Variants in ZNF805 observed in about 807,000 individuals in gnomAD.
The protein encoded by ZNF805 is zinc finger protein 805, also known as CTC-444N24.8.
Under a neutral mutation model 13.6 loss-of-function variants are expected in ZNF805, and 7 were observed. The observed-to-expected ratio is 0.51, with a 90% confidence interval of 0.29 to 0.97. The LOEUF is 0.97. ZNF805 is among the 50% of genes least tolerant of loss of function. The pLI is 0.08. For synonymous variants in ZNF805, 293 were observed against 279.8 expected (o/e 1.05, Z -0.47); for missense variants, 604 against 771.0 (o/e 0.78, Z 2.57).
rs758439156 is a variant in ZNF805 at position 57,253,707 on chromosome 19, C to T, written c.888C>T (p.Phe296=). The part of the protein sequence containing the change: ...PYKCSECGKA[F]THRSTFVLHN... ...AGTGCAGTGAATGTGGAAAGGCCTTCACCCACCGCTCCACTTTTGTCTTGC... is the reference window on the plus strand; with the variant it reads ...AGTGCAGTGAATGTGGAAAGGCCTTTACCCACCGCTCCACTTTTGTCTTGC... The change falls in exon 4 of 4, where the codon TTC becomes TTT. Residue 296 remains phenylalanine, a synonymous_variant. Transcript: ENST00000414468. The surrounding 1 kb of genome is among the most constrained non-coding windows in gnomAD (Gnocchi z 4.4). 10 of 1,613,846 alleles carry T rather than the reference C, an allele frequency of 6.2e-6. No homozygotes were observed. The highest frequency in any genetic ancestry group is 3.3e-4 in the Middle Eastern group (2 of 6,082).
rs2087572960 is a variant in ZNF805, at chr19:57,240,687, G to C, written c.-205G>C. The C allele has an allele frequency of 1.9e-6, 1 of 525,950 alleles. No homozygotes were observed. Among genetic ancestry groups the C allele is most frequent in the African/African-American group, 2.0e-5 (1 of 50,506 alleles). The allele number at this position is 525,950 out of a possible 1,614,324, so 32.6% of individuals were successfully genotyped here. A position where few individuals can be genotyped will look rare whatever the true frequency, so the allele number is the denominator to read the frequency against. Reference sequence around the variant, plus strand: ...GCGGTGTTCCGTGGCCGCCTCCCTGGCGGCGCTGGGGAAATGAGCAGGTAG... The same window carrying C: ...GCGGTGTTCCGTGGCCGCCTCCCTGCCGGCGCTGGGGAAATGAGCAGGTAG... On this transcript the variant is annotated 5_prime_UTR_variant, in exon 1 of 4. Transcript: ENST00000414468.
chr19:57,240,979 G>A, intron 1 of ZNF805, 58 bp downstream of exon 1: 2 of 1,538,560 alleles, frequency 1.3e-6, no homozygotes, highest in Admixed American at 4.0e-5. Flanking sequence ...AAGCCTCCTG[G>A]GCAGGCCGGA....
At chr19:57,246,738 T>C (rs1476252090) in intron 2 of ZNF805, among the ~76,000 whole-genome samples, 2 of 146,096 alleles carry the variant, frequency 1.4e-5, no homozygotes, top group East Asian at 4.0e-4. Context: ...ATCGCGCTAC[T>C]GCACTCCAGC....
At chr19:57,241,569 C>G (rs1330034399) in intron 1 of ZNF805, among the ~76,000 whole-genome samples, 1 of 151,532 alleles carries the variant, frequency 6.6e-6, no homozygotes, top group Non-Finnish European at 1.5e-5. Context: ...CTGCAAGTCC[C>G]TACCCGGTCC....
intron 1 of ZNF805, among the ~76,000 whole-genome samples, chr19:57,241,715 T>C (rs536282724): frequency 3.3e-5 from 5 of 151,586 alleles, no homozygotes; most frequent in South Asian, 2.1e-4. Flanking sequence ...TTCAGACATA[T>C]CAATCTGATC....
Position 57,255,390 on chromosome 19 carries a change from T to C in ZNF805, c.*687T>C, listed in dbSNP as rs1445821395. ...ACTTTAGGATTGGTTTTTCTGTTTT[T>C]CAAATATTCTTGCTTGGATTTTGAT... On this transcript the variant is annotated 3_prime_UTR_variant, in exon 4 of 4. Transcript: ENST00000414468. Among the ~76,000 whole-genome samples the C allele has an allele frequency of 2.0e-5, 3 of 152,186 alleles. No individual in the cohort carries two copies. Among genetic ancestry groups the C allele is most frequent in the African/African-American group, 7.2e-5 (3 of 41,466 alleles).
At chr19:57,245,548 G>A (rs1362310667) in intron 2 of ZNF805, among the ~76,000 whole-genome samples, 2 of 151,352 alleles carry the variant, frequency 1.3e-5, no homozygotes, top group Non-Finnish European at 2.9e-5. Context: ...GGGAGGCCGA[G>A]ATGGGCGGAT....
Position 57,257,914 on chromosome 19 carries a change from G to T in ZNF805, c.*3211G>T, listed in dbSNP as rs2087698382. On this transcript the variant is annotated 3_prime_UTR_variant, in exon 4 of 4. Coordinates refer to ENST00000414468, the MANE Select transcript of ZNF805 (RefSeq NM_001023563.4). ...GTAGAGATGGAGTTTCACCATGTTG[G>T]CCAGGCTGGTCTCGAACTCCTGACC... Among the ~76,000 whole-genome samples, 1 of 151,206 alleles carries T rather than the reference G, an allele frequency of 6.6e-6. No homozygotes were observed. Among genetic ancestry groups the T allele is most frequent in the Non-Finnish European group, 1.5e-5 (1 of 67,880 alleles).
chr19:57,250,637 T>C (rs1009756421), intron 3 of ZNF805, among the ~76,000 whole-genome samples: 1 of 152,242 alleles, frequency 6.6e-6, no homozygotes, highest in South Asian at 2.1e-4. Context: ...GTCAGCTCTT[T>C]GTCCTGCGTG....
chr19:57,259,563 G>T lies in ZNF805; in HGVS notation c.*4860G>T, dbSNP rs1037784631. Among the ~76,000 whole-genome samples, 1 of 152,152 alleles carries T rather than the reference G, an allele frequency of 6.6e-6. No individual in the cohort carries two copies. Among genetic ancestry groups the T allele is most frequent in the African/African-American group, 2.4e-5 (1 of 41,418 alleles). ...GCTCTGTTGCCCAGGCTGGAGTGCA[G>T]TGGCGCGATCTCTGCTCACTGCAAG... On this transcript the variant is annotated 3_prime_UTR_variant, in exon 4 of 4. Coordinates refer to ENST00000414468, the MANE Select transcript of ZNF805 (RefSeq NM_001023563.4).
In ZNF805 at chr19:57,254,530, G is replaced by A; in HGVS notation, c.1711G>A (p.Asp571Asn). The stretch of plus-strand genomic sequence containing the variant: ...TGGGAGAAATCCTATCAGTGTAACA[G>A]ATGTGGGAAGACCTTTTACAAGTGG... ...HTGRNPISVT[D>N]VGRPFTSGQT... Residue 571 changes from aspartate (D) to asparagine (N), a missense_variant, in exon 4 of 4, where the codon GAT becomes AAT. Transcript: ENST00000414468. The A allele has an allele frequency of 6.2e-7, 1 of 1,614,196 alleles. No individual in the cohort carries two copies. The highest frequency in any genetic ancestry group is 8.5e-7 in the Non-Finnish European group (1 of 1,180,032).
chr19:57,259,040 C>T lies in ZNF805; in HGVS notation c.*4337C>T, dbSNP rs8105970. 0.025 allele frequency among the ~76,000 whole-genome samples: 3,795 copies of T among 152,178 alleles called. 149 individuals are homozygous for T. Among genetic ancestry groups the T allele is most frequent in the African/African-American group, 0.086 (3,575 of 41,500 alleles). On this transcript the variant is annotated 3_prime_UTR_variant, in exon 4 of 4. Coordinates refer to ENST00000414468, the MANE Select transcript of ZNF805 (RefSeq NM_001023563.4). ...TCTGTTGCCATTTGAACCATTGTTC[C>T]CTAGTTCATAATGTGCCATTTTTAT...
intron 3 of ZNF805, among the ~76,000 whole-genome samples, chr19:57,249,604 G>A (rs1397849335): frequency 6.6e-6 from 1 of 151,988 alleles, no homozygotes; most frequent in African/African-American, 2.4e-5. Context: ...TGAACTCTGG[G>A]GAATAGGGCC....
At chr19:57,241,022 TTTTG>T (rs149116200) in intron 1 of ZNF805, 101 bp downstream of exon 1, 26,575 of 1,338,512 alleles carry the variant, frequency 0.02, 882 homozygotes, top group African/African-American at 0.14. Flanking sequence ...CTCTTTGTAG[TTTTG>T]TTTGTTTACG....
intron 2 of ZNF805, among the ~76,000 whole-genome samples, chr19:57,245,624 A>AG (rs2087610960): frequency 6.7e-6 from 1 of 149,460 alleles, no homozygotes; most frequent in South Asian, 2.2e-4. Flanking sequence ...CTAAAAATAC[A>AG]AAAAATTAGC....
rs2087689591 is a variant in ZNF805 at position 57,256,741 on chromosome 19, C to G, written c.*2038C>G. The stretch of plus-strand genomic sequence containing the variant: ...CATATGTCAATTTCATTGATCATTT[C>G]AAAGAAATAGCACTTTATATCACTG... On this transcript the variant is annotated 3_prime_UTR_variant, in exon 4 of 4. Coordinates refer to ENST00000414468, the MANE Select transcript of ZNF805 (RefSeq NM_001023563.4). Among the ~76,000 whole-genome samples, 1 of 152,018 alleles carries G rather than the reference C, an allele frequency of 6.6e-6. No individual in the cohort carries two copies. Among genetic ancestry groups the G allele is most frequent in the South Asian group, 2.1e-4 (1 of 4,832 alleles).
rs1373003601 is a variant in ZNF805, at chr19:57,260,077, C to G, written c.*5374C>G. Among the ~76,000 whole-genome samples, 1 of 152,178 alleles carries G rather than the reference C, an allele frequency of 6.6e-6. No individual in the cohort carries two copies. The highest frequency in any genetic ancestry group is 1.5e-5 in the Non-Finnish European group (1 of 68,038). ...CCACGGGAAGGTTGTATGTAAAATC[C>G]TCCAGCTCTGTAAGCCTTGTTATAT... On this transcript the variant is annotated 3_prime_UTR_variant, in exon 4 of 4. Coordinates refer to ENST00000414468, the MANE Select transcript of ZNF805 (RefSeq NM_001023563.4).
rs780918037 is a variant in ZNF805, at chr19:57,253,955, C to T, written c.1136C>T (p.Ala379Val). 9.3e-6 allele frequency: 15 copies of T among 1,613,934 alleles called. No homozygotes were observed. Among genetic ancestry groups the T allele is most frequent in the African/African-American group, 2.7e-5 (2 of 74,878 alleles). Residue 379 changes from alanine (A) to valine (V), a missense_variant, in exon 4 of 4, where the codon GCC becomes GTC. Transcript: ENST00000414468. The surrounding 1 kb of genome is among the most constrained non-coding windows in gnomAD (Gnocchi z 4.4). ...TATGAGTGCAGTGAATGTGGGAAGG[C>T]CTTCTGTGAGAGCGCAGCGCTGATT... ...KPYECSECGK[A>V]FCESAALIHH...
At chr19:57,242,070 A>T (rs1208390660) in intron 1 of ZNF805, among the ~76,000 whole-genome samples, 1 of 152,238 alleles carries the variant, frequency 6.6e-6, no homozygotes, top group Non-Finnish European at 1.5e-5. Flanking sequence ...ATTATTTATC[A>T]TCTCATTTAA....
Sources: gnomAD v4.1 joint callset for allele counts (sites outside exome capture counted in the v4.1 genomes callset) on GRCh38, gnomAD v4.1.1 for gene constraint, Gnocchi (gnomAD v3.1) non-coding constraint, MANE v1.5 for transcripts, NCBI Gene and HGNC (gene_info 2026-07-23, HGNC 2026-07-21) for gene names.